The following TIAM2 variants were observed in gnomAD, a reference collection of about 807,000 sequenced individuals.
TIAM2 encodes the protein rho guanine nucleotide exchange factor TIAM2.
In TIAM2, 80 loss-of-function variants were observed where a neutral mutation model predicts 152.9. The ratio of observed to expected loss-of-function variants is 0.52; its 90% CI spans 0.44 to 0.63. The LOEUF is 0.63. Among genes scored for constraint, TIAM2 ranks in the 30% least tolerant of loss-of-function variants. The pLI is 0.00. For missense variants in TIAM2, 1,965 were observed against 2,120.1 expected (o/e 0.93, Z 1.44); for synonymous variants, 804 against 838.0 (o/e 0.96, Z 0.70).
chr6:155,083,091 T>C (rs757279586), intron 1 of TIAM2, among the ~76,000 whole-genome samples: 2 of 152,124 alleles, frequency 1.3e-5, no homozygotes, highest in Non-Finnish European at 2.9e-5. Context: ...CTCATGCCTG[T>C]AATCCCAGCG....
At chr6:155,079,647 C>T (rs940773984) in intron 1 of TIAM2, among the ~76,000 whole-genome samples, 1 of 152,022 alleles carries the variant, frequency 6.6e-6, no homozygotes, top group African/African-American at 2.4e-5. Flanking sequence ...TTGCTTTGTT[C>T]AAAAAATTTC....
At chr6:155,122,913 C>T (rs910105345) in intron 2 of TIAM2, among the ~76,000 whole-genome samples, 1 of 151,690 alleles carries the variant, frequency 6.6e-6, no homozygotes, top group Non-Finnish European at 1.5e-5. Context: ...TTTTTCAGCC[C>T]CCTTTCTATT....
chr6:155,148,170 C>G lies in TIAM2; in HGVS notation c.1864C>G (p.Leu622Val), dbSNP rs768939398. 1.2e-6 allele frequency: 2 copies of G among 1,613,738 alleles called. No homozygotes were observed. The highest frequency in any genetic ancestry group is 1.1e-5 in the South Asian group (1 of 91,058). ...VTAVHSACAS[L>V]FAKKHGKEDT... is the part of the protein sequence containing the mutation. The stretch of plus-strand genomic sequence containing the variant: ...TGCTGTACACTCTGCTTGTGCATCC[C>G]TTTTTGCAAAGAAGCATGGGAAAGA... The change falls in exon 7 of 27, where the codon CTT (leucine) becomes GTT (valine). Residue 622 changes from leucine (L) to valine (V), a missense_variant. Leu to Val is a conservative substitution (Grantham distance 32). Around this residue, in one of 3 missense-constraint regions of TIAM2, gnomAD observed 1,025 missense variants for 1,119.4 expected, o/e 0.92. Coordinates refer to ENST00000682666, the MANE Select transcript of TIAM2 (RefSeq NM_012454.4).
At chr6:155,197,492 G>A (rs1781373688) in intron 14 of TIAM2, among the ~76,000 whole-genome samples, 1 of 152,140 alleles carries the variant, frequency 6.6e-6, no homozygotes, top group African/African-American at 2.4e-5. Context: ...GTCACCGCAT[G>A]TGTCCAGCCA....
In TIAM2 at chr6:155,164,397, C is replaced by T. The variant is rs183242893; in HGVS notation, c.2029-18C>T. 2.2e-3 allele frequency: 3,367 copies of T among 1,554,454 alleles called. 81 individuals carry two copies. Among genetic ancestry groups the T allele is most frequent in the East Asian group, 5.5e-4 (24 of 43,660 alleles). On this transcript the variant is annotated intron_variant, in intron 7 of 26. Transcript: ENST00000682666. ...AACTTTTAATTTTTATTTAAATCAC[C>T]TCTGTTTTTGCTTTAAGATCCAGCA... is the stretch of plus-strand genomic sequence containing the variant.
In TIAM2 at chr6:155,156,275, TCCTCCCGGTACC is replaced by T. The variant is rs1780110346; in HGVS notation, c.2028+7942_2028+7953del. 6.6e-6 allele frequency among the ~76,000 whole-genome samples: 1 copy of T among 152,116 alleles called. No homozygotes were observed. The highest frequency in any genetic ancestry group is 1.5e-5 in the Non-Finnish European group (1 of 68,036). ...GGAAGTAGGACTGTCTGTCACTCTC[TCCTCCCGGTACC>T]ACTGCAGAAGCCTCCGGTTTCGCCC... On this transcript the variant is annotated intron_variant, in intron 7 of 26. Transcript: ENST00000682666. The surrounding 1 kb of genome is among the most constrained non-coding windows in gnomAD (Gnocchi z 4.4).
intron 16 of TIAM2, among the ~76,000 whole-genome samples, chr6:155,241,141 G>C (rs566340673): frequency 4.3e-4 from 66 of 152,312 alleles, no homozygotes; most frequent in Non-Finnish European, 7.6e-4. Context: ...GGTTGTCATC[G>C]TGTAGAACTG....
intron 18 of TIAM2, 113 bp from the exon 19 acceptor site, chr6:155,245,510 C>A: frequency 1.1e-6 from 1 of 882,320 alleles, no homozygotes; most frequent in Non-Finnish European, 1.8e-6. Flanking sequence ...TTGAACTTCT[C>A]CAAGGCATTA....
rs983838347 is a variant in TIAM2 at position 155,065,096 on chromosome 6, G to C, written c.-208-25193G>C. Among the ~76,000 whole-genome samples, 7 of 152,092 alleles carry C rather than the reference G, an allele frequency of 4.6e-5. No homozygotes were observed. In the South Asian group the frequency reaches 1.5e-3, roughly 32 times the overall value. On this transcript the variant is annotated intron_variant, in intron 1 of 26. Transcript: ENST00000682666. ...AGCTTCCTGAGTAGCTGGGACTACA[G>C]GCACCCGACACCACGCCCGGCTGAT...
At chr6:155,180,301 C>T (rs1232356728) in intron 12 of TIAM2, among the ~76,000 whole-genome samples, 1 of 151,784 alleles carries the variant, frequency 6.6e-6, no homozygotes, top group Non-Finnish European at 1.5e-5. Context: ...CAAAACAAAA[C>T]AAAAAAACAG....
chr6:155,172,651 TA>T (rs1780615391), intron 9 of TIAM2, among the ~76,000 whole-genome samples: 1 of 14,822 alleles, frequency 6.7e-5, no homozygotes. Context: ...AATATATATA[TA>T]TATATATATA....
At chr6:155,241,847 G>A (rs993043070) in intron 16 of TIAM2, among the ~76,000 whole-genome samples, 1 of 152,188 alleles carries the variant, frequency 6.6e-6, no homozygotes, top group Non-Finnish European at 1.5e-5. Flanking sequence ...CTTTTTCCAA[G>A]TCGCTGTGTG....
At chr6:155,147,176 C>CT (rs3028764) in intron 6 of TIAM2, among the ~76,000 whole-genome samples, 51,658 of 143,106 alleles carry the variant, frequency 0.36, 9,837 homozygotes, top group African/African-American at 0.46. Flanking sequence ...TTACATTGTT[C>CT]TTTTTTTTTT....
At chr6:155,183,868 C>T (rs1194557915) in intron 14 of TIAM2, among the ~76,000 whole-genome samples, 1 of 152,218 alleles carries the variant, frequency 6.6e-6, no homozygotes, top group East Asian at 1.9e-4. Flanking sequence ...ATCTAAGGCA[C>T]AACCATTTTG....
intron 9 of TIAM2, among the ~76,000 whole-genome samples, chr6:155,173,199 G>GTCTGTC (rs56164997): frequency 0.031 from 4,621 of 149,704 alleles, 219 homozygotes; most frequent in African/African-American, 0.099. Context: ...GTGTGTGTGT[G>GTCTGTC]TGTCTGTCTG....
chr6:155,183,198 C>T (rs775801843), intron 13 of TIAM2, 39 bp from the exon 14 acceptor site: 93 of 1,596,730 alleles, frequency 5.8e-5, no homozygotes, highest in Non-Finnish European at 7.8e-5. Context: ...TCACAGTAAT[C>T]CCTCTCTCTT....
At chr6:155,193,497 C>T (rs142606332) in intron 14 of TIAM2, among the ~76,000 whole-genome samples, 523 of 152,296 alleles carry the variant, frequency 3.4e-3, no homozygotes, top group Middle Eastern at 6.8e-3. Flanking sequence ...TTTTGTTGGA[C>T]AGTTTGAATT....
At chr6:155,053,463 C>T (rs1777365652) in intron 1 of TIAM2, among the ~76,000 whole-genome samples, 1 of 120,432 alleles carries the variant, frequency 8.3e-6, no homozygotes, top group African/African-American at 3.4e-5. Context: ...CCTATTCTTG[C>T]AGCTTTTTTT....
intron 2 of TIAM2, among the ~76,000 whole-genome samples, chr6:155,109,769 C>T (rs970222163): frequency 1.3e-5 from 2 of 152,114 alleles, no homozygotes; most frequent in Non-Finnish European, 2.9e-5. Context: ...TCCGAAGCCA[C>T]AGAGATGGTT....
Sources: gnomAD v4.1 joint callset for allele counts (sites outside exome capture counted in the v4.1 genomes callset) on GRCh38, gnomAD v4.1.1 for gene constraint, gnomAD v4.1.1 regional missense constraint, Gnocchi (gnomAD v3.1) non-coding constraint, MANE v1.5 for transcripts, NCBI Gene and HGNC (gene_info 2026-07-23, HGNC 2026-07-21) for gene names.